Variants in SYNJ2 observed in about 807,000 individuals in gnomAD.
SYNJ2 encodes the protein synaptojanin 2.
Under a neutral mutation model 141.3 loss-of-function variants are expected in SYNJ2, and 116 were observed. The observed-to-expected ratio is 0.82, with a 90% confidence interval of 0.71 to 0.96. The LOEUF (loss-of-function observed/expected upper bound fraction) is 0.96, where lower values mean the gene tolerates loss of function less well. SYNJ2 is among the 40% of genes least tolerant of loss of function. SYNJ2 has a pLI of 0.00. For synonymous variants in SYNJ2, 745 were observed against 777.7 expected (o/e 0.96, Z 0.70); for missense variants, 1,873 against 1,934.8 (o/e 0.97, Z 0.60).
chr6:158,017,384 G>A, intron 2 of SYNJ2, 94 bp downstream of exon 2: 1 of 1,174,588 alleles, frequency 8.5e-7, no homozygotes, highest in Non-Finnish European at 1.1e-6. Context: ...CATTCTGTTT[G>A]ACCGCTCTTC....
At chr6:158,021,233 T>C (rs1369992647) in intron 2 of SYNJ2, among the ~76,000 whole-genome samples, 1 of 152,206 alleles carries the variant, frequency 6.6e-6, no homozygotes, top group Non-Finnish European at 1.5e-5. Flanking sequence ...ACGCAACCTG[T>C]GAAGCTGTAC....
intron 2 of SYNJ2, among the ~76,000 whole-genome samples, chr6:158,020,303 C>T (rs1453219116): frequency 6.6e-6 from 1 of 150,482 alleles, no homozygotes. Flanking sequence ...TGACCCCCAC[C>T]TGTGTGACTC....
At chr6:158,088,033 AATTTTTTT>A (rs1783183258) in intron 23 of SYNJ2, among the ~76,000 whole-genome samples, 7 of 36,864 alleles carry the variant, frequency 1.9e-4, no homozygotes, top group African/African-American at 5.4e-4. Flanking sequence ...CCTGCTTTGG[AATTTTTTT>A]TTTTTTTTTT....
At chr6:158,062,434 AAGG>A (rs1463769064) in intron 8 of SYNJ2, among the ~76,000 whole-genome samples, 3 of 152,058 alleles carry the variant, frequency 2.0e-5, no homozygotes, top group Admixed American at 6.6e-5. Flanking sequence ...TGAATTTCTC[AAGG>A]AGATGTTGAG....
At chr6:158,052,024 A>G (rs1482169027) in intron 5 of SYNJ2, among the ~76,000 whole-genome samples, 3 of 152,138 alleles carry the variant, frequency 2.0e-5, no homozygotes, top group Non-Finnish European at 4.4e-5. Flanking sequence ...GAATCTCTAA[A>G]TCTATTGCTG....
At position 158,083,517 on chromosome 6, in the gene SYNJ2, T is replaced by C. The variant is rs1425334905; in HGVS notation, c.2954T>C (p.Met985Thr). ...GAGATCATTCGGAAACGAGACAGCA[T>C]GGCCCCCGTGTCTCCCACTGCCAAC... ...REEIIRKRDS[M>T]APVSPTANSC... The change falls in exon 21 of 27, where the codon ATG becomes ACG. Residue 985 changes from methionine (M) to threonine (T), a missense_variant. Transcript: ENST00000355585. 8 of 1,614,204 alleles carry C rather than the reference T, an allele frequency of 5.0e-6. No homozygotes were observed. Among genetic ancestry groups the C allele is most frequent in the South Asian group, 3.3e-5 (3 of 91,084 alleles).
chr6:158,026,988 T>C (rs893976214), intron 2 of SYNJ2: 3 of 985,310 alleles, frequency 3.0e-6, no homozygotes, highest in Admixed American at 6.2e-5. Flanking sequence ...TTGAGGTGGT[T>C]TCCTGAGGAT....
rs1473550407 is a variant in SYNJ2, at chr6:158,071,793, T to A, written c.2132T>A (p.Met711Lys). 1 of 1,612,796 alleles carries A rather than the reference T, an allele frequency of 6.2e-7. No individual in the cohort carries two copies. ...KEITQKLCFP[M>K]GRNVFSHDYV... Reference sequence around the variant, plus strand: ...ATCACCCAGAAACTCTGCTTCCCAATGGTGAGCGGCGCCGTGGGGACAGCC... The same window carrying A: ...ATCACCCAGAAACTCTGCTTCCCAAAGGTGAGCGGCGCCGTGGGGACAGCC... The change falls in exon 15 of 27, where the codon ATG becomes AAG. Residue 711 changes from methionine to lysine, a missense_variant and splice_region_variant. Met to Lys is a moderately conservative substitution (Grantham distance 95). Transcript: ENST00000355585. The surrounding 1 kb of genome is among the most constrained non-coding windows in gnomAD (Gnocchi z 4.3).
intron 1 of SYNJ2, among the ~76,000 whole-genome samples, chr6:158,005,130 T>G (rs1011157755): frequency 6.7e-6 from 1 of 149,626 alleles, no homozygotes; most frequent in Admixed American, 6.7e-5. Flanking sequence ...CAGGCTGGAG[T>G]GCAGTGGCGC....
chr6:158,070,276 C>A lies in SYNJ2; in HGVS notation c.1940+603C>A. ...CCCATGGCTTTTGAATTTCCACCAG[C>A]CTTTCGGCGAGCTGGCAGCAGGCGT... is the stretch of plus-strand genomic sequence containing the variant. On this transcript the variant is annotated intron_variant, in intron 14 of 26. Coordinates refer to ENST00000355585, the MANE Select transcript of SYNJ2 (RefSeq NM_003898.4). The surrounding 1 kb of genome is among the most constrained non-coding windows in gnomAD (Gnocchi z 4.0). 1.0e-6 allele frequency: 1 copy of A among 985,514 alleles called. No individual in the cohort carries two copies. Among genetic ancestry groups the A allele is most frequent in the South Asian group, 4.7e-5 (1 of 21,282 alleles). 61.0% of individuals were successfully genotyped at this position (985,514 alleles called of 1,614,324 possible). A position where few individuals can be genotyped will look rare whatever the true frequency, so the allele number is the denominator to read the frequency against.
chr6:158,018,223 G>A (rs1778576474), intron 2 of SYNJ2, among the ~76,000 whole-genome samples: 2 of 152,224 alleles, frequency 1.3e-5, no homozygotes, highest in African/African-American at 4.8e-5. Flanking sequence ...GGTGGTCACA[G>A]CCAAACTCAG....
At chr6:157,994,541 C>A (rs1452162566) in intron 1 of SYNJ2, among the ~76,000 whole-genome samples, 1 of 152,234 alleles carries the variant, frequency 6.6e-6, no homozygotes, top group Non-Finnish European at 1.5e-5. Context: ...CTCTTTTCAC[C>A]TGGACCACCT....
At chr6:158,075,716 T>C (rs529562787) in intron 16 of SYNJ2, among the ~76,000 whole-genome samples, 20 of 152,210 alleles carry the variant, frequency 1.3e-4, no homozygotes, top group African/African-American at 4.8e-4. Flanking sequence ...CGAGGTTTAC[T>C]GTGTCTTCCC....
chr6:158,088,235 C>CATTT (rs1783208695), intron 23 of SYNJ2, among the ~76,000 whole-genome samples: 2 of 151,220 alleles, frequency 1.3e-5, no homozygotes, highest in African/African-American at 4.9e-5. Flanking sequence ...TATTTTTATT[C>CATTT]ATTTATTTAT....
At chr6:158,081,061 G>T (rs1782644465) in intron 18 of SYNJ2, 48 bp from the exon 19 acceptor site, 1 of 1,575,910 alleles carries the variant, frequency 6.3e-7, no homozygotes, top group South Asian at 1.1e-5. Context: ...CGGGGGTGTG[G>T]ACATCTGTCC....
intron 22 of SYNJ2, among the ~76,000 whole-genome samples, chr6:158,085,361 C>T (rs868115473): frequency 5.9e-5 from 9 of 152,242 alleles, no homozygotes; most frequent in South Asian, 2.1e-4. Context: ...ACTAATGTTA[C>T]GTGGCTGGCA....
intron 3 of SYNJ2, chr6:158,029,267 C>T (rs377280822): frequency 6.4e-5 from 28 of 438,094 alleles, no homozygotes; most frequent in African/African-American, 2.8e-4. Flanking sequence ...AAGAAACCTG[C>T]GCCAGGCATG....
chr6:158,017,322 C>A, intron 2 of SYNJ2, 32 bp downstream of exon 2: 2 of 1,594,016 alleles, frequency 1.3e-6, no homozygotes, highest in Non-Finnish European at 1.7e-6. Flanking sequence ...GAGCAGGCGC[C>A]AGGCTCCCCG....
chr6:158,046,723 C>T (rs1043916937), intron 5 of SYNJ2, among the ~76,000 whole-genome samples: 1 of 152,130 alleles, frequency 6.6e-6, no homozygotes, highest in African/African-American at 2.4e-5. Context: ...AGCCGTGTAC[C>T]TTTAATAAAT....
Sources: allele counts gnomAD v4.1 joint callset (sites outside exome capture counted in the v4.1 genomes callset), GRCh38; gene constraint gnomAD v4.1.1; non-coding constraint Gnocchi (gnomAD v3.1); transcripts MANE v1.5; gene names NCBI Gene and HGNC (gene_info 2026-07-23, HGNC 2026-07-21).